Variants in CLCN5 observed in about 807,000 individuals in gnomAD.
CLCN5 encodes Cl-/H+ antiporter 5.
In CLCN5, 17 loss-of-function variants were observed where a neutral mutation model predicts 54.0. The ratio of observed to expected loss-of-function variants is 0.31; its 90% CI spans 0.22 to 0.47. The LOEUF is 0.47. Ranked by LOEUF, CLCN5 falls within the 20% of genes least tolerant of loss-of-function variation. The probability of loss-of-function intolerance (pLI) is 1.00; values close to 1 mark genes in which losing one functional copy is unlikely to be tolerated. For synonymous variants in CLCN5, 222 were observed against 233.0 expected, an observed-to-expected ratio of 0.95 and a Z score of 0.43; for missense variants, 448 against 646.7, an observed-to-expected ratio of 0.69 and a Z score of 3.33.
In CLCN5 at chrX:49,979,464, A is replaced by G. The variant is rs782688097; in HGVS notation, c.16+54150A>G. 8.9e-5 allele frequency among the ~76,000 whole-genome samples: 10 copies of G among 112,051 alleles called. No homozygotes were observed. The East Asian group carries it at 2.8e-3, about 31-fold the overall frequency. Reference sequence around the variant, plus strand: ...TCTCGTATATTGCTCATTTCTGTGTATCACAGGGTAGTTCTGAAGCTTTTT... The same window carrying G: ...TCTCGTATATTGCTCATTTCTGTGTGTCACAGGGTAGTTCTGAAGCTTTTT... On this transcript the variant is annotated intron_variant, in intron 3 of 14. Coordinates refer to ENST00000376091, the MANE Select transcript of CLCN5 (RefSeq NM_001127898.4).
At chrX:50,000,156 C>T (rs1929727748) in intron 3 of CLCN5, among the ~76,000 whole-genome samples, 1 of 109,764 alleles carries the variant, frequency 9.1e-6, no homozygotes, top group East Asian at 2.9e-4. Context: ...TGCTTGCAGC[C>T]TCTCTCTCTA....
At chrX:49,926,063 A>C (rs782210214) in intron 3 of CLCN5, among the ~76,000 whole-genome samples, 9 of 112,563 alleles carry the variant, frequency 8.0e-5, no homozygotes, top group Non-Finnish European at 1.5e-4. Context: ...CCTGTGACCC[A>C]CAAAAAGTTA....
At chrX:50,084,920 A>G (rs1448755565) in intron 9 of CLCN5, among the ~76,000 whole-genome samples, 1 of 111,310 alleles carries the variant, frequency 9.0e-6, no homozygotes, top group Non-Finnish European at 1.9e-5. Context: ...CATCCTAAAC[A>G]TAGTCACTGA....
At chrX:49,999,258 C>G (rs782493741) in intron 3 of CLCN5, among the ~76,000 whole-genome samples, 5 of 111,223 alleles carry the variant, frequency 4.5e-5, no homozygotes, top group South Asian at 3.8e-4. Flanking sequence ...TCTCACATGC[C>G]TCACACATTG....
In CLCN5 at chrX:50,058,046, G is replaced by A. The variant is rs1451286684; in HGVS notation, c.164-11833G>A. Among the ~76,000 whole-genome samples the A allele has an allele frequency of 8.1e-5, 9 of 111,746 alleles. No individual in the cohort carries two copies. The Admixed American group carries it at 8.5e-4, about 11-fold the overall frequency. ...AATGACCACAGGATGAATATCTGCT[G>A]ATGTGTGTTAGGCATAATGTTGAAT... On this transcript the variant is annotated intron_variant, in intron 4 of 14. Coordinates refer to ENST00000376091, the MANE Select transcript of CLCN5 (RefSeq NM_001127898.4).
chrX:50,085,694 A>C, intron 9 of CLCN5: 2 of 354,074 alleles, frequency 5.6e-6, no homozygotes, highest in Non-Finnish European at 1.0e-5. Flanking sequence ...CAGTTACTGA[A>C]TTGGGAGTAT....
At chrX:50,013,155 AATCT>A (rs1930595988) in intron 3 of CLCN5, 2 of 253,523 alleles carry the variant, frequency 7.9e-6, no homozygotes, top group Admixed American at 4.6e-5. Flanking sequence ...TCAATCAATC[AATCT>A]CTCTCCTCTC....
intron 3 of CLCN5, among the ~76,000 whole-genome samples, chrX:50,005,304 C>G (rs1427699546): frequency 9.0e-6 from 1 of 111,663 alleles, no homozygotes; most frequent in African/African-American, 3.3e-5. Context: ...TTAAGAGGCA[C>G]AAAATAACTG....
Position 50,097,136 on chromosome X carries a change from C to G in CLCN5, c.*4917C>G, listed in dbSNP as rs1049755244. 8.9e-6 allele frequency: 1 copy of G among 112,160 alleles called. No homozygotes were observed. Among genetic ancestry groups the G allele is most frequent in the African/African-American group, 3.2e-5 (1 of 30,821 alleles). 9.2% of individuals were successfully genotyped at this position (112,160 alleles called of 1,213,427 possible). A position where few individuals can be genotyped will look rare whatever the true frequency, so the allele number is the denominator to read the frequency against. On this transcript the variant is annotated 3_prime_UTR_variant, in exon 15 of 15. Coordinates refer to ENST00000376091, the MANE Select transcript of CLCN5 (RefSeq NM_001127898.4). ...ATCAGTGTAGTTGTCCTGGGGTGATCGCTGACTCTGCTCTGTTTCATATTT... is the reference window on the plus strand; with the variant it reads ...ATCAGTGTAGTTGTCCTGGGGTGATGGCTGACTCTGCTCTGTTTCATATTT...
rs781863689 is a variant in CLCN5 at position 49,954,961 on chromosome X, G to T, written c.16+29647G>T. Among the ~76,000 whole-genome samples, 2 of 111,409 alleles carry T rather than the reference G, an allele frequency of 1.8e-5. 1 individual carries two copies. The highest frequency in any genetic ancestry group is 7.6e-4 in the South Asian group (2 of 2,640). ...GCTGTAATTGGTCCAGAGTCACTGGGCTGGTTAGTGGCAGAGCTGTTTCTT... is the reference window on the plus strand; with the variant it reads ...GCTGTAATTGGTCCAGAGTCACTGGTCTGGTTAGTGGCAGAGCTGTTTCTT... On this transcript the variant is annotated intron_variant, in intron 3 of 14. Transcript: ENST00000376091.
chrX:50,063,517 A>G (rs1487889645), intron 4 of CLCN5, among the ~76,000 whole-genome samples: 2 of 106,914 alleles, frequency 1.9e-5, no homozygotes, highest in Admixed American at 9.7e-5. Context: ...GCAATAATCA[A>G]TAGTTTACCA....
chrX:50,033,953 A>G (rs1306188020), intron 3 of CLCN5, among the ~76,000 whole-genome samples: 1 of 111,368 alleles, frequency 9.0e-6, no homozygotes, highest in Non-Finnish European at 1.9e-5. Flanking sequence ...CTGTAGGAAT[A>G]ACTCCCAGAT....
At chrX:49,964,625 A>C (rs191830204) in intron 3 of CLCN5, among the ~76,000 whole-genome samples, 172 of 111,677 alleles carry the variant, frequency 1.5e-3, no homozygotes, top group African/African-American at 5.2e-3. Flanking sequence ...TGGATTTATC[A>C]TGCCCTCTGA....
intron 3 of CLCN5, among the ~76,000 whole-genome samples, chrX:50,004,159 G>T (rs1386556372): frequency 7.2e-5 from 8 of 111,648 alleles, no homozygotes; most frequent in African/African-American, 2.0e-4. Flanking sequence ...AGGATTTGCA[G>T]CCGATTCATT....
intron 3 of CLCN5, among the ~76,000 whole-genome samples, chrX:49,936,178 A>T (rs1925954665): frequency 9.0e-6 from 1 of 111,344 alleles, no homozygotes; most frequent in Non-Finnish European, 1.9e-5. Context: ...CATCCCCCCA[A>T]CCCCATTCTC....
chrX:50,080,255 TGACATG>T (rs1427669061), intron 7 of CLCN5, among the ~76,000 whole-genome samples: 2 of 111,105 alleles, frequency 1.8e-5, no homozygotes, highest in Non-Finnish European at 3.8e-5. Context: ...CTTGGTAAAA[TGACATG>T]GAATCATATA....
intron 3 of CLCN5, among the ~76,000 whole-genome samples, chrX:50,036,083 C>T (rs989520485): frequency 8.9e-6 from 1 of 111,908 alleles, no homozygotes; most frequent in Non-Finnish European, 1.9e-5. Context: ...CGTTGTGAAG[C>T]CCCAGTGTGT....
At chrX:49,972,905 C>A (rs1436633530) in intron 3 of CLCN5, among the ~76,000 whole-genome samples, 1 of 112,124 alleles carries the variant, frequency 8.9e-6, no homozygotes, top group Non-Finnish European at 1.9e-5. Flanking sequence ...ACTGTCATTT[C>A]TCTTCCTTCA....
At chrX:50,033,475 C>G (rs1396546159) in intron 3 of CLCN5, among the ~76,000 whole-genome samples, 1 of 111,281 alleles carries the variant, frequency 9.0e-6, no homozygotes, top group Non-Finnish European at 1.9e-5. Context: ...CATGAAGGAC[C>G]TCTTCAAGGA....
Sources: gnomAD v4.1 joint callset for allele counts (sites outside exome capture counted in the v4.1 genomes callset) on GRCh38, gnomAD v4.1.1 for gene constraint, MANE v1.5 for transcripts, NCBI Gene and HGNC (gene_info 2026-07-23, HGNC 2026-07-21) for gene names.